Variants in LDB2 observed in about 807,000 individuals in gnomAD.
The protein encoded by LDB2 is LIM domain-binding protein 2.
Under a neutral mutation model 44.3 loss-of-function variants are expected in LDB2, and 12 were observed. The ratio of observed to expected loss-of-function variants is 0.27; its 90% CI spans 0.17 to 0.44. The LOEUF (loss-of-function observed/expected upper bound fraction) is 0.44, where lower values mean the gene tolerates loss of function less well. LDB2 is among the 20% of genes least tolerant of loss of function. The pLI is 1.00. For missense variants in LDB2, 344 were observed against 473.5 expected, an observed-to-expected ratio of 0.73 and a Z score of 2.54; for synonymous variants, 164 against 174.8, an observed-to-expected ratio of 0.94 and a Z score of 0.49.
intron 5 of LDB2, among the ~76,000 whole-genome samples, chr4:16,529,087 A>G (rs1199177421): frequency 6.6e-6 from 1 of 152,218 alleles, no homozygotes; most frequent in South Asian, 2.1e-4. Flanking sequence ...TTTACAGGGT[A>G]CCAGGCACTG....
chr4:16,762,203 A>T (rs1350706281), intron 1 of LDB2, among the ~76,000 whole-genome samples: 1 of 152,148 alleles, frequency 6.6e-6, no homozygotes, highest in African/African-American at 2.4e-5. Flanking sequence ...CTCAAAAAAA[A>T]AATGAACTTT....
chr4:16,542,266 A>G (rs1323953837), intron 5 of LDB2, among the ~76,000 whole-genome samples: 1 of 152,236 alleles, frequency 6.6e-6, no homozygotes, highest in Non-Finnish European at 1.5e-5. Context: ...GCAAAGCCTC[A>G]TATTCAAAAG....
chr4:16,534,600 C>A (rs1377253854), intron 5 of LDB2, among the ~76,000 whole-genome samples: 1 of 152,162 alleles, frequency 6.6e-6, no homozygotes, highest in Non-Finnish European at 1.5e-5. Context: ...TTTTCCGTAT[C>A]TTTACAAACA....
At chr4:16,575,184 C>A (rs1399168378) in intron 5 of LDB2, among the ~76,000 whole-genome samples, 1 of 152,124 alleles carries the variant, frequency 6.6e-6, no homozygotes, top group African/African-American at 2.4e-5. Flanking sequence ...GATGACTATG[C>A]AGAAACATGC....
intron 5 of LDB2, among the ~76,000 whole-genome samples, chr4:16,546,228 A>G (rs776900472): frequency 6.6e-6 from 1 of 152,238 alleles, no homozygotes; most frequent in Non-Finnish European, 1.5e-5. Flanking sequence ...TAAAAAAGAA[A>G]GGCCATTTAA....
At chr4:16,583,581 G>C (rs144236270) in intron 5 of LDB2, among the ~76,000 whole-genome samples, 2 of 152,248 alleles carry the variant, frequency 1.3e-5, no homozygotes, top group East Asian at 1.9e-4. Context: ...AGATGATAAG[G>C]CTACTAGAAG....
At chr4:16,753,353 T>C (rs1241660063) in intron 2 of LDB2, among the ~76,000 whole-genome samples, 1 of 152,206 alleles carries the variant, frequency 6.6e-6, no homozygotes, top group East Asian at 1.9e-4. Context: ...CCTTGCAGAA[T>C]TTCTCTACCT....
intron 2 of LDB2, among the ~76,000 whole-genome samples, chr4:16,633,001 A>G (rs927508072): frequency 6.6e-6 from 1 of 152,222 alleles, no homozygotes; most frequent in Non-Finnish European, 1.5e-5. Context: ...TGTTTATTGC[A>G]GCACTATTCA....
intron 2 of LDB2, among the ~76,000 whole-genome samples, chr4:16,674,727 G>A (rs915301953): frequency 6.6e-6 from 1 of 152,026 alleles, no homozygotes; most frequent in Admixed American, 6.6e-5. Context: ...AGAAGGCACT[G>A]AGTAAACTTG....
chr4:16,515,541 A>G (rs753970189), intron 5 of LDB2, among the ~76,000 whole-genome samples: 1 of 152,234 alleles, frequency 6.6e-6, no homozygotes, highest in Non-Finnish European at 1.5e-5. Context: ...AAGATTCCAC[A>G]GTCATCTGTG....
chr4:16,583,569 TTAGATGATAAGGCTAC>T (rs1180475913), intron 5 of LDB2, among the ~76,000 whole-genome samples: 2 of 152,192 alleles, frequency 1.3e-5, no homozygotes, highest in Non-Finnish European at 2.9e-5. Flanking sequence ...CTTAAAAAAA[TTAGATGATAAGGCTAC>T]TAGAAGAATC....
chr4:16,718,603 TTGAGA>T (rs1424921653), intron 2 of LDB2, among the ~76,000 whole-genome samples: 3 of 152,152 alleles, frequency 2.0e-5, no homozygotes. Flanking sequence ...TCATCATTCC[TTGAGA>T]TATTTCTCCA....
intron 2 of LDB2, chr4:16,752,298 A>T (rs1715988338): frequency 3.0e-6 from 1 of 332,336 alleles, no homozygotes; most frequent in South Asian, 2.5e-5. Context: ...GCACTTGATA[A>T]ATGTTTAGTA....
intron 2 of LDB2, among the ~76,000 whole-genome samples, chr4:16,722,094 G>A (rs141750635): frequency 3.2e-4 from 48 of 152,160 alleles, no homozygotes; most frequent in African/African-American, 1.1e-3. Context: ...CCTAAGAGAC[G>A]GCAGGCAAAT....
At chr4:16,686,743 C>G (rs114081706) in intron 2 of LDB2, among the ~76,000 whole-genome samples, 3,788 of 152,218 alleles carry the variant, frequency 0.025, 164 homozygotes, top group African/African-American at 0.086. Context: ...ATGAATGAAT[C>G]AATCAATCAA....
chr4:16,720,594 C>T (rs1245310580), intron 2 of LDB2, among the ~76,000 whole-genome samples: 1 of 152,110 alleles, frequency 6.6e-6, no homozygotes, highest in Non-Finnish European at 1.5e-5. Context: ...GGCATCATGG[C>T]AACCATCAAT....
intron 2 of LDB2, among the ~76,000 whole-genome samples, chr4:16,643,179 G>T (rs1560734855): frequency 6.6e-6 from 1 of 151,696 alleles, no homozygotes; most frequent in Non-Finnish European, 1.5e-5. Flanking sequence ...GTATCTTTGT[G>T]GGGTGGGATG....
intron 2 of LDB2, chr4:16,751,010 G>A (rs1765382959): frequency 6.6e-6 from 1 of 152,090 alleles, no homozygotes; most frequent in Admixed American, 6.6e-5. Context: ...GAAACCATAG[G>A]CAATATACTC....
At chr4:16,622,190 G>A (rs1479959576) in intron 2 of LDB2, among the ~76,000 whole-genome samples, 1 of 152,170 alleles carries the variant, frequency 6.6e-6, no homozygotes, top group Non-Finnish European at 1.5e-5. Context: ...TGATATTCTA[G>A]ATAAGTGGGC....
Sources: allele counts gnomAD v4.1 joint callset (sites outside exome capture counted in the v4.1 genomes callset), GRCh38; gene constraint gnomAD v4.1.1; transcripts MANE v1.5; gene names NCBI Gene and HGNC (gene_info 2026-07-23, HGNC 2026-07-21).